HAX1: variants seen among roughly 807,000 people sequenced by gnomAD.
The protein encoded by HAX1 is HCLS1 associated protein X-1, also known as HCLS1-associated protein X-1.
In HAX1, 27 loss-of-function variants were observed where a neutral mutation model predicts 31.1. The observed-to-expected ratio is 0.87, with a 90% CI of 0.64 to 1.20. HAX1 has a LOEUF of 1.20. HAX1 is among the 50% of genes most tolerant of loss of function. The probability of loss-of-function intolerance (pLI) is 0.00; values close to 1 mark genes in which losing one functional copy is unlikely to be tolerated. For synonymous variants in HAX1, 114 were observed against 124.1 expected, an observed-to-expected ratio of 0.92 and a Z score of 0.54; for missense variants, 357 against 361.6, an observed-to-expected ratio of 0.99 and a Z score of 0.10.
intron 1 of HAX1, 187 bp downstream of exon 1, chr1:154,272,963 A>G: frequency 1.5e-6 from 1 of 654,842 alleles, no homozygotes; most frequent in South Asian, 1.8e-5. Context: ...GAAACAGCAA[A>G]CTAAGCCTTT....
chr1:154,273,150 T>TAAAAAAA, intron 1 of HAX1, 186 bp from the exon 2 acceptor site: 1 of 516,466 alleles, frequency 1.9e-6, no homozygotes, highest in East Asian at 3.3e-5. Context: ...TGACTTTGAT[T>TAAAAAAA]AAAAAAAAAA....
chr1:154,274,999 A>G lies in HAX1; in HGVS notation c.554A>G (p.Asn185Ser), dbSNP rs1480499507. 4 of 1,608,750 alleles carry G rather than the reference A, an allele frequency of 2.5e-6. No homozygotes were observed. Among genetic ancestry groups the G allele is most frequent in the Non-Finnish European group, 3.4e-6 (4 of 1,175,066 alleles). Reference sequence around the variant, plus strand: ...CCCCATCCTAGAACCAGAGAGGACAATGGTAAGTCTGGAGGAAGGGGAAGT... The same window carrying G: ...CCCCATCCTAGAACCAGAGAGGACAGTGGTAAGTCTGGAGGAAGGGGAAGT... ...MDPHPRTRED[N>S]DLDSQVSQEG... Residue 185 changes from asparagine to serine, a missense_variant and splice_region_variant, in exon 4 of 7, where the codon AAT becomes AGT. Coordinates refer to ENST00000328703, the MANE Select transcript of HAX1 (RefSeq NM_006118.4).
In HAX1 at chr1:154,273,886, G is replaced by A. The variant is rs764127512; in HGVS notation, c.429G>A (p.Gly143=). 1.2e-6 allele frequency: 2 copies of A among 1,614,120 alleles called. No individual in the cohort carries two copies. The highest frequency in any genetic ancestry group is 2.2e-5 in the East Asian group (1 of 44,866). The change falls in exon 3 of 7, where the codon GGG becomes GGA. Residue 143 remains glycine (G), a synonymous_variant. Coordinates refer to ENST00000328703, the MANE Select transcript of HAX1 (RefSeq NM_006118.4). ...PDSHQPRIFG[G]VLESDARSES... ...GTCACCAGCCCAGGATCTTTGGGGG[G>A]GTCTTGGAGAGTGATGCAAGAAGTG...
Position 154,275,452 on chromosome 1 carries a change from C to T in HAX1, c.723C>T (p.Thr241=). ...DSEGRTETTV[T]RHEADSSPRG... ...AGGGCCGGACAGAGACTACAGTAAC[C>T]CGACACGAAGCAGATAGCAGTCCTA... The change falls in exon 6 of 7, where the codon ACC becomes ACT. Residue 241 remains threonine (T), a synonymous_variant. Transcript: ENST00000328703. 1 of 1,614,066 alleles carries T rather than the reference C, an allele frequency of 6.2e-7. No individual in the cohort carries two copies. The highest frequency in any genetic ancestry group is 1.3e-5 in the African/African-American group (1 of 75,006).
intron 1 of HAX1, 54 bp from the exon 2 acceptor site, chr1:154,273,282 T>G: frequency 1.9e-6 from 3 of 1,610,740 alleles, no homozygotes; most frequent in Admixed American, 3.3e-5. Flanking sequence ...ATGAGTTGAT[T>G]TAATGGCTTA....
intron 1 of HAX1, 150 bp from the exon 2 acceptor site, chr1:154,273,186 T>G: frequency 1.3e-6 from 1 of 769,534 alleles, no homozygotes; most frequent in Non-Finnish European, 2.2e-6. Context: ...TGTCAGCCAT[T>G]GTATTAATGT....
At chr1:154,274,262 G>A (rs1684887919) in intron 3 of HAX1, among the ~76,000 whole-genome samples, 2 of 151,824 alleles carry the variant, frequency 1.3e-5, no homozygotes, top group South Asian at 4.2e-4. Flanking sequence ...CTCAAAAATT[G>A]TTTGAGACCC....
Position 154,275,683 on chromosome 1 carries a change from T to C in HAX1, c.822T>C (p.Arg274=), listed in dbSNP as rs756399040. ...CCATCCTGGACTTATTCCTGGGACG[T>C]TGGTTCCGGTCCCGGTAGCCTTGTT... is the stretch of plus-strand genomic sequence containing the variant. ...AFSILDLFLG[R]WFRSR The change falls in exon 7 of 7, where the codon CGT becomes CGC. Residue 274 remains arginine (R), a synonymous_variant. Transcript: ENST00000328703. 44 of 1,613,582 alleles carry C rather than the reference T, an allele frequency of 2.7e-5. No individual in the cohort carries two copies. Among genetic ancestry groups the C allele is most frequent in the Non-Finnish European group, 3.3e-5 (39 of 1,179,596 alleles).
At chr1:154,275,510 C>G (rs1684914919) in intron 6 of HAX1, 27 bp downstream of exon 6, 1 of 1,595,160 alleles carries the variant, frequency 6.3e-7, no homozygotes, top group Non-Finnish European at 8.6e-7. Flanking sequence ...AGGGGTTCAT[C>G]TCAAGATTCC....
chr1:154,273,667 A>G (rs933251488), intron 2 of HAX1, 69 bp downstream of exon 2: 1 of 1,593,806 alleles, frequency 6.3e-7, no homozygotes, highest in Middle Eastern at 1.7e-4. Context: ...AAGAGCCTGC[A>G]GGGAGTAGCT....
chr1:154,273,681 G>A (rs1572018673), intron 2 of HAX1, 83 bp downstream of exon 2: 1 of 1,591,032 alleles, frequency 6.3e-7, no homozygotes, highest in Non-Finnish European at 8.6e-7. Flanking sequence ...AGTAGCTGGG[G>A]GATGGGAAGT....
chr1:154,273,864 A>G lies in HAX1; in HGVS notation c.407A>G (p.His136Arg). The change falls in exon 3 of 7, where the codon CAC becomes CGC. Residue 136 changes from histidine to arginine, a missense_variant. By Grantham distance (29) the His-to-Arg change is conservative (BLOSUM62 0). Transcript: ENST00000328703. ...RDSMLKYPDS[H>R]QPRIFGGVLE... ...TCAATGCTTAAGTATCCAGATAGTCACCAGCCCAGGATCTTTGGGGGGGTC... is the reference window on the plus strand; with the variant it reads ...TCAATGCTTAAGTATCCAGATAGTCGCCAGCCCAGGATCTTTGGGGGGGTC... 1 of 1,614,116 alleles carries G rather than the reference A, an allele frequency of 6.2e-7. No homozygotes were observed. Among genetic ancestry groups the G allele is most frequent in the Non-Finnish European group, 8.5e-7 (1 of 1,180,004 alleles).
rs1260994720 is a variant in HAX1 at position 154,273,454 on chromosome 1, C to T, written c.172C>T (p.Pro58Ser). Residue 58 changes from proline to serine, a missense_variant, in exon 2 of 7, where the codon CCT becomes TCT. By Grantham distance (74) the Pro-to-Ser change is moderately conservative. Transcript: ENST00000328703. ...NPRFHSPQHPPEEFGFGFSFS... is the reference protein window; with the variant it reads ...NPRFHSPQHPSEEFGFGFSFS... ...AAGGTTCCATAGTCCTCAGCACCCC[C>T]CTGAGGAATTTGGCTTCGGCTTCAG... The T allele has an allele frequency of 1.2e-6, 2 of 1,614,138 alleles. No homozygotes were observed. The highest frequency in any genetic ancestry group is 1.7e-4 in the Middle Eastern group (1 of 6,058).
At chr1:154,274,780 TAGA>T (rs1223946629) in intron 3 of HAX1, among the ~76,000 whole-genome samples, 167 bp from the exon 4 acceptor site, 1 of 152,154 alleles carries the variant, frequency 6.6e-6, no homozygotes, top group Non-Finnish European at 1.5e-5. Flanking sequence ...GTCTTTCTGG[TAGA>T]AGGATACATA....
In HAX1 at chr1:154,273,541, G is replaced by A. The variant is rs1158375903; in HGVS notation, c.259G>A (p.Asp87Asn). Residue 87 changes from aspartate (D) to asparagine (N), a missense_variant, in exon 2 of 7, where the codon GAT becomes AAT. Coordinates refer to ENST00000328703, the MANE Select transcript of HAX1 (RefSeq NM_006118.4). ...CTTCGGCTTTGATGACCTAGTACGA[G>A]ATTTCAATAGCATCTTCAGCGATAT... ...DNFGFDDLVR[D>N]FNSIFSDMGA... The A allele has an allele frequency of 1.9e-6, 3 of 1,614,182 alleles. No individual in the cohort carries two copies. The highest frequency in any genetic ancestry group is 2.5e-6 in the Non-Finnish European group (3 of 1,180,030).
Position 154,275,725 on chromosome 1 carries a change from C to T in HAX1, c.*24C>T, listed in dbSNP as rs1684919141. ...AGCCTTGTTAACCCTCAGAGGCCTT[C>T]AAGTCCTTTCCACCTCTCACCCATT... On this transcript the variant is annotated 3_prime_UTR_variant, in exon 7 of 7. Transcript: ENST00000328703. 1 of 1,500,692 alleles carries T rather than the reference C, an allele frequency of 6.7e-7. No individual in the cohort carries two copies. Among genetic ancestry groups the T allele is most frequent in the Non-Finnish European group, 9.3e-7 (1 of 1,076,842 alleles). The allele number at this position is 1,500,692 out of a possible 1,614,324, so 93.0% of individuals were successfully genotyped here. A position where few individuals can be genotyped will look rare whatever the true frequency, so the allele number is the denominator to read the frequency against.
In HAX1 at chr1:154,273,416, G is replaced by T. The variant is rs1478553377; in HGVS notation, c.134G>T (p.Gly45Val). Reference sequence around the variant, plus strand: ...GAAGAAGAAGAAGGGGGCTCATGGGGCCGTGGGAACCCAAGGTTCCATAGT... The same window carrying T: ...GAAGAAGAAGAAGGGGGCTCATGGGTCCGTGGGAACCCAAGGTTCCATAGT... ...EEEEEEGGSW[G>V]RGNPRFHSPQ... is the part of the protein sequence containing the mutation. The change falls in exon 2 of 7, where the codon GGC becomes GTC. Residue 45 changes from glycine to valine, a missense_variant. Coordinates refer to ENST00000328703, the MANE Select transcript of HAX1 (RefSeq NM_006118.4). 2 of 1,613,958 alleles carry T rather than the reference G, an allele frequency of 1.2e-6. No individual in the cohort carries two copies. The highest frequency in any genetic ancestry group is 2.7e-5 in the African/African-American group (2 of 74,896).
rs1483396619 is a variant in HAX1 at position 154,274,992 on chromosome 1, G to C, written c.547G>C (p.Glu183Gln). 3.1e-6 allele frequency: 5 copies of C among 1,610,318 alleles called. No individual in the cohort carries two copies. In the African/African-American group the frequency reaches 4.0e-5, roughly 13 times the overall value. The change falls in exon 4 of 7, where the codon GAG becomes CAG. Residue 183 changes from glutamate (E) to glutamine (Q), a missense_variant. Physicochemically the swap from Glu to Gln is conservative, Grantham distance 29. Transcript: ENST00000328703. ...WPMDPHPRTREDNDLDSQVSQ... is the reference protein window; with the variant it reads ...WPMDPHPRTRQDNDLDSQVSQ... ...TATGGACCCCCATCCTAGAACCAGA[G>C]AGGACAATGGTAAGTCTGGAGGAAG... is the stretch of plus-strand genomic sequence containing the variant.
intron 1 of HAX1, 96 bp downstream of exon 1, chr1:154,272,872 C>T: frequency 2.9e-6 from 3 of 1,036,210 alleles, no homozygotes; most frequent in South Asian, 1.3e-5. Context: ...TGTCCCACTC[C>T]TTCAACTCCT....
Sources: gnomAD v4.1 joint callset for allele counts (sites outside exome capture counted in the v4.1 genomes callset) on GRCh38, gnomAD v4.1.1 for gene constraint, MANE v1.5 for transcripts, NCBI Gene and HGNC (gene_info 2026-07-23, HGNC 2026-07-21) for gene names.